TMTC2: variants seen among roughly 807,000 people sequenced by gnomAD.
TMTC2 encodes transmembrane O-mannosyltransferase targeting cadherins 2, also known as protein O-mannosyl-transferase TMTC2.
TMTC2 carries 43 observed loss-of-function variants against 82.4 expected under a neutral mutation model. The observed-to-expected ratio is 0.52, with a 90% CI of 0.41 to 0.67. The LOEUF (loss-of-function observed/expected upper bound fraction) is 0.67. Among genes scored for constraint, TMTC2 ranks in the 30% least tolerant of loss-of-function variants. TMTC2 has a pLI of 0.00. For synonymous variants in TMTC2, 408 were observed against 381.9 expected, an observed-to-expected ratio of 1.07 and a Z score of -0.80; for missense variants, 919 against 1,012.4, an observed-to-expected ratio of 0.91 and a Z score of 1.25.
chr12:82,942,874 T>C (rs1288522231), intron 4 of TMTC2, among the ~76,000 whole-genome samples: 2 of 152,238 alleles, frequency 1.3e-5, no homozygotes, highest in African/African-American at 2.4e-5. Flanking sequence ...AAACATTTTC[T>C]TTCTATTGCA....
chr12:83,132,249 C>G lies in TMTC2; in HGVS notation c.2371C>G (p.Leu791Val), dbSNP rs755363962. Reference protein sequence around the residue: ...ALMNLGAILHLNGRLQKAEAN... With the variant: ...ALMNLGAILHVNGRLQKAEAN... ...GATGAACCTGGGAGCCATTCTGCAC[C>G]TCAATGGCAGACTCCAGAAGGCCGA... The change falls in exon 12 of 12, where the codon CTC becomes GTC. Residue 791 changes from leucine (L) to valine (V), a missense_variant. By Grantham distance (32) the Leu-to-Val change is conservative. Coordinates refer to ENST00000321196, the MANE Select transcript of TMTC2 (RefSeq NM_152588.3). The G allele has an allele frequency of 1.2e-6, 2 of 1,613,758 alleles. No individual in the cohort carries two copies. The highest frequency in any genetic ancestry group is 2.2e-5 in the South Asian group (2 of 91,016).
chr12:82,883,891 T>G (rs889130133), intron 2 of TMTC2, among the ~76,000 whole-genome samples: 7 of 152,202 alleles, frequency 4.6e-5, no homozygotes, highest in East Asian at 1.9e-4. Context: ...TAAAACTTTT[T>G]TTGTTGTTGT....
At chr12:82,752,001 G>A (rs1234800464) in intron 1 of TMTC2, among the ~76,000 whole-genome samples, 3 of 152,024 alleles carry the variant, frequency 2.0e-5, no homozygotes, top group Non-Finnish European at 1.5e-5. Context: ...GTGTTTAAAC[G>A]CATTGACATT....
intron 3 of TMTC2, among the ~76,000 whole-genome samples, chr12:82,917,444 C>T (rs1875063064): frequency 6.6e-6 from 1 of 151,884 alleles, no homozygotes; most frequent in African/African-American, 2.4e-5. Context: ...TCTTTTTGTT[C>T]TCTTATCTTT....
chr12:82,731,781 C>T (rs1412680598), intron 1 of TMTC2, among the ~76,000 whole-genome samples: 1 of 152,128 alleles, frequency 6.6e-6, no homozygotes, highest in Non-Finnish European at 1.5e-5. Flanking sequence ...GTTTAGCTGA[C>T]AAGGTTCAAT....
intron 1 of TMTC2, among the ~76,000 whole-genome samples, chr12:82,788,081 G>C (rs1878273650): frequency 6.6e-6 from 1 of 151,986 alleles, no homozygotes; most frequent in African/African-American, 2.4e-5. Flanking sequence ...AGACTTTCCA[G>C]TGTCCCCACA....
chr12:83,113,483 G>A (rs965639526), intron 11 of TMTC2, among the ~76,000 whole-genome samples: 15 of 152,130 alleles, frequency 9.9e-5, no homozygotes, highest in Admixed American at 4.6e-4. Flanking sequence ...TCTTGAGGGC[G>A]ATAAGTGAAC....
intron 4 of TMTC2, among the ~76,000 whole-genome samples, chr12:82,946,000 A>G (rs1876971445): frequency 6.6e-6 from 1 of 152,072 alleles, no homozygotes; most frequent in African/African-American, 2.4e-5. Context: ...TCTATAGCTA[A>G]ATTATATCAC....
chr12:82,743,168 C>T (rs1033786901), intron 1 of TMTC2, among the ~76,000 whole-genome samples: 9 of 152,226 alleles, frequency 5.9e-5, no homozygotes, highest in African/African-American at 1.9e-4. Context: ...TGTAGCTGGG[C>T]GCAGTGGCTC....
chr12:83,072,733 C>A (rs1215472746), intron 11 of TMTC2, among the ~76,000 whole-genome samples: 1 of 152,042 alleles, frequency 6.6e-6, no homozygotes, highest in Non-Finnish European at 1.5e-5. Flanking sequence ...GTGGACAAGG[C>A]CTTTTACCAT....
intron 1 of TMTC2, among the ~76,000 whole-genome samples, chr12:82,794,949 C>T (rs1199870899): frequency 1.3e-5 from 2 of 151,960 alleles, no homozygotes; most frequent in African/African-American, 4.8e-5. Flanking sequence ...AAAAGGAGGC[C>T]GGGATTCTAA....
chr12:82,997,350 A>ATATATATATGTGTG (rs1879686016), intron 8 of TMTC2, among the ~76,000 whole-genome samples: 1 of 44,066 alleles, frequency 2.3e-5, no homozygotes, highest in African/African-American at 7.0e-5. Flanking sequence ...GTGTGTGTGT[A>ATATATATATGTGTG]TATATATATA....
intron 11 of TMTC2, among the ~76,000 whole-genome samples, chr12:83,074,702 C>A (rs1197301316): frequency 6.6e-6 from 1 of 152,052 alleles, no homozygotes; most frequent in Admixed American, 6.5e-5. Context: ...CCCCAGCTAC[C>A]CACCCATGCA....
chr12:82,937,775 TATATATATATATATATATATAC>T (rs1406573248), intron 4 of TMTC2, among the ~76,000 whole-genome samples: 8 of 23,276 alleles, frequency 3.4e-4, no homozygotes, highest in African/African-American at 9.0e-4. Context: ...TATATATATA[TATATATATATATATATATATAC>T]ACACATATAT....
At chr12:82,842,255 T>C (rs541152423) in intron 1 of TMTC2, among the ~76,000 whole-genome samples, 10 of 152,364 alleles carry the variant, frequency 6.6e-5, no homozygotes, top group South Asian at 4.1e-4. Flanking sequence ...CTTTGTAAAC[T>C]TTGTCAATCT....
At chr12:82,966,038 T>C (rs1382894692) in intron 6 of TMTC2, 2 of 388,020 alleles carry the variant, frequency 5.2e-6, no homozygotes, top group Admixed American at 7.7e-5. Flanking sequence ...AATGGGGAAA[T>C]AACATGTAAT....
rs140114923 is a variant in TMTC2 at position 82,855,355 on chromosome 12, A to G, written c.84-1655A>G. On this transcript the variant is annotated intron_variant, in intron 1 of 11. Transcript: ENST00000321196. ...TTTCCCTGAATCCAGAGTTTTTCCAACCTGCTTTTCGGTAATACTCATGTG... is the reference window on the plus strand; with the variant it reads ...TTTCCCTGAATCCAGAGTTTTTCCAGCCTGCTTTTCGGTAATACTCATGTG... 3.5e-4 allele frequency among the ~76,000 whole-genome samples: 53 copies of G among 152,276 alleles called. No individual in the cohort carries two copies. In the East Asian group the frequency reaches 9.5e-3, roughly 27 times the overall value.
At chr12:82,701,620 G>A (rs971163412) in intron 1 of TMTC2, among the ~76,000 whole-genome samples, 1 of 148,642 alleles carries the variant, frequency 6.7e-6, no homozygotes, top group Non-Finnish European at 1.5e-5. Flanking sequence ...AAATTTCTGG[G>A]TGTGGAGGTG....
intron 1 of TMTC2, among the ~76,000 whole-genome samples, chr12:82,782,305 T>C (rs1249735752): frequency 6.6e-6 from 1 of 152,158 alleles, no homozygotes; most frequent in African/African-American, 2.4e-5. Context: ...GTTTATCTAC[T>C]GTTTGATTAA....
Sources: allele counts gnomAD v4.1 joint callset (sites outside exome capture counted in the v4.1 genomes callset), GRCh38; gene constraint gnomAD v4.1.1; transcripts MANE v1.5; gene names NCBI Gene and HGNC (gene_info 2026-07-23, HGNC 2026-07-21).